Variants in TAGAP observed in about 807,000 individuals in gnomAD.
TAGAP encodes the protein T cell activation RhoGTPase activating protein.
TAGAP carries 16 observed loss-of-function variants against 36.0 expected under a neutral mutation model. The observed-to-expected ratio is 0.44, with a 90% CI of 0.30 to 0.68. TAGAP has a LOEUF of 0.68. Ranked by LOEUF, TAGAP falls within the 30% of genes least tolerant of loss-of-function variation. The pLI, the probability that TAGAP is intolerant of heterozygous loss-of-function variation, is 0.09. For missense variants in TAGAP, 794 were observed against 921.5 expected (o/e 0.86, Z 1.79); for synonymous variants, 372 against 377.4 (o/e 0.99, Z 0.17).
Position 159,044,167 on chromosome 6 carries a change from CA to C in TAGAP, c.-22del. ...TTCATCAGTATTGCGGCTGACTGTCCAGGGGTGGATTTCACTCCCGTGTGGC... is the reference window on the plus strand; with the variant it reads ...TTCATCAGTATTGCGGCTGACTGTCCGGGGTGGATTTCACTCCCGTGTGGC... On this transcript the variant is annotated 5_prime_UTR_variant, in exon 2 of 10. Transcript: ENST00000367066. 1.9e-6 allele frequency: 3 copies of C among 1,610,996 alleles called. No individual in the cohort carries two copies. The highest frequency in any genetic ancestry group is 2.5e-6 in the Non-Finnish European group (3 of 1,179,328).
chr6:159,035,699 G>T lies in TAGAP; in HGVS notation c.*128C>A. 1.1e-6 allele frequency: 1 copy of T among 918,186 alleles called. No individual in the cohort carries two copies. Among genetic ancestry groups the T allele is most frequent in the Non-Finnish European group, 1.6e-6 (1 of 625,244 alleles). The allele number at this position is 918,186 out of a possible 1,614,324, so 56.9% of individuals were successfully genotyped here. On this transcript the variant is annotated 3_prime_UTR_variant, in exon 10 of 10. Transcript: ENST00000367066. ...TGGCCATGGTGTAGCTATCCTCACT[G>T]AGGAGGGCTTTCCACAACTTTCTCA...
At position 159,039,111 on chromosome 6, in the gene TAGAP, A is replaced by G; in HGVS notation, c.783+3T>C. 1 of 1,614,208 alleles carries G rather than the reference A, an allele frequency of 6.2e-7. No homozygotes were observed. The highest frequency in any genetic ancestry group is 8.5e-7 in the Non-Finnish European group (1 of 1,180,034). On this transcript the variant is annotated splice_donor_region_variant and intron_variant, in intron 8 of 9. Coordinates refer to ENST00000367066, the MANE Select transcript of TAGAP (RefSeq NM_054114.5). ...GGATTTCTCATCAGTAAGCAGAACA[A>G]ACCTTGTTGTTCAGGTCCTTCTGGG... is the stretch of plus-strand genomic sequence containing the variant.
chr6:159,038,115 T>C lies in TAGAP; in HGVS notation c.897A>G (p.Ser299=), dbSNP rs370261958. The change falls in exon 9 of 10, where the codon TCA becomes TCG. Residue 299 remains serine (S), a splice_region_variant and synonymous_variant. Transcript: ENST00000367066. ...SDDSLEHTDS[S]DVSTLQNDSA... ...ATCAAATGATAGCACATTCCATACC[T>C]GAACTGTCAGTGTGCTCCAGGGAGT... is the stretch of plus-strand genomic sequence containing the variant. 7 of 1,594,812 alleles carry C rather than the reference T, an allele frequency of 4.4e-6. No homozygotes were observed. Among genetic ancestry groups the C allele is most frequent in the Non-Finnish European group, 6.0e-6 (7 of 1,163,334 alleles).
Position 159,037,523 on chromosome 6 carries a change from T to C in TAGAP, c.899-399A>G, listed in dbSNP as rs1007295381. The stretch of plus-strand genomic sequence containing the variant: ...CTTTTAGAAATGAACTTTGCTACAG[T>C]TCGCCCTGCTCATACCAATCAGGGC... On this transcript the variant is annotated intron_variant, in intron 9 of 9. Transcript: ENST00000367066. This position sits in a 1 kb window ranked among gnomAD's most constrained non-coding sequence, Gnocchi z 5.1. Among the ~76,000 whole-genome samples the C allele has an allele frequency of 9.9e-5, 15 of 152,166 alleles. No homozygotes were observed. The highest frequency in any genetic ancestry group is 4.4e-5 in the Non-Finnish European group (3 of 68,022).
Position 159,036,637 on chromosome 6 carries a change from G to T in TAGAP, c.1386C>A (p.Ser462Arg). Reference protein sequence around the residue: ...PRALVLKAFSSSSLDASSDSS... With the variant: ...PRALVLKAFSRSSLDASSDSS... Reference sequence around the variant, plus strand: ...TGTCAGAGGACGCGTCCAGCGAGCTGCTGGAGAAGGCTTTGAGAACCAGTG... The same window carrying T: ...TGTCAGAGGACGCGTCCAGCGAGCTTCTGGAGAAGGCTTTGAGAACCAGTG... The change falls in exon 10 of 10, where the codon AGC becomes AGA. Residue 462 changes from serine to arginine, a missense_variant. Physicochemically the swap from Ser to Arg is moderately radical, Grantham distance 110. Coordinates refer to ENST00000367066, the MANE Select transcript of TAGAP (RefSeq NM_054114.5). The surrounding 1 kb of genome is among the most constrained non-coding windows in gnomAD (Gnocchi z 4.9). 6.2e-7 allele frequency: 1 copy of T among 1,614,154 alleles called. No homozygotes were observed. Among genetic ancestry groups the T allele is most frequent in the Non-Finnish European group, 8.5e-7 (1 of 1,180,002 alleles).
Position 159,042,153 on chromosome 6 carries a change from G to A in TAGAP, c.240C>T (p.Asp80=). Residue 80 remains aspartate, a synonymous_variant, in exon 5 of 10, where the codon GAC becomes GAT. Transcript: ENST00000367066. ...ASDFSGALET[D]LKASLFDQPL... ...GCTGATCAAATAGCGATGCTTTCAA[G>A]TCTGTCTCCAAAGCCCCAGAAAAAT... The A allele has an allele frequency of 6.2e-7, 1 of 1,614,216 alleles. No homozygotes were observed. Among genetic ancestry groups the A allele is most frequent in the South Asian group, 1.1e-5 (1 of 91,084 alleles).
At position 159,037,732 on chromosome 6, in the gene TAGAP, A is replaced by C. The variant is rs149756349; in HGVS notation, c.898+382T>G. On this transcript the variant is annotated intron_variant, in intron 9 of 9. Coordinates refer to ENST00000367066, the MANE Select transcript of TAGAP (RefSeq NM_054114.5). This position sits in a 1 kb window ranked among gnomAD's most constrained non-coding sequence, Gnocchi z 5.1. Reference sequence around the variant, plus strand: ...ATAAGAAAAGAGAGAACAGCATTTCACTGAAAATGTATTGACCTTAATTTT... The same window carrying C: ...ATAAGAAAAGAGAGAACAGCATTTCCCTGAAAATGTATTGACCTTAATTTT... Among the ~76,000 whole-genome samples the C allele has an allele frequency of 6.6e-6, 1 of 152,254 alleles. No individual in the cohort carries two copies. The highest frequency in any genetic ancestry group is 2.4e-5 in the African/African-American group (1 of 41,472).
Position 159,035,678 on chromosome 6 carries a change from C to T in TAGAP, c.*149G>A, listed in dbSNP as rs1779500922. On this transcript the variant is annotated 3_prime_UTR_variant, in exon 10 of 10. Coordinates refer to ENST00000367066, the MANE Select transcript of TAGAP (RefSeq NM_054114.5). Reference sequence around the variant, plus strand: ...CAGAGACTATCTGATGCGCCATGGCCATGGTGTAGCTATCCTCACTGAGGA... The same window carrying T: ...CAGAGACTATCTGATGCGCCATGGCTATGGTGTAGCTATCCTCACTGAGGA... 2 of 694,446 alleles carry T rather than the reference C, an allele frequency of 2.9e-6. No homozygotes were observed. The highest frequency in any genetic ancestry group is 1.8e-5 in the African/African-American group (1 of 55,882). The allele number at this position is 694,446 out of a possible 1,614,324, so 43.0% of individuals were successfully genotyped here.
chr6:159,035,571 G>C lies in TAGAP; in HGVS notation c.*256C>G. 2.7e-6 allele frequency: 1 copy of C among 365,064 alleles called. No homozygotes were observed. The highest frequency in any genetic ancestry group is 4.3e-5 in the East Asian group (1 of 23,350). 22.6% of individuals were successfully genotyped at this position (365,064 alleles called of 1,614,324 possible). The stretch of plus-strand genomic sequence containing the variant: ...ACTGCAAGTTCAAAACGTGTGCAGG[G>C]ATTATTAGACATCCTTTGCACCTAA... On this transcript the variant is annotated 3_prime_UTR_variant, in exon 10 of 10. Coordinates refer to ENST00000367066, the MANE Select transcript of TAGAP (RefSeq NM_054114.5).
Position 159,035,938 on chromosome 6 carries a change from C to T in TAGAP, c.2085G>A (p.Arg695=), listed in dbSNP as rs776501479. Residue 695 remains arginine (R), a synonymous_variant, in exon 10 of 10, where the codon AGG becomes AGA. Transcript: ENST00000367066. ...GPGRPELLPL[R]TVSESVQRNK... ...TCCTCTGCACGGACTCGGAGACGGT[C>T]CTCAGCGGGAGGAGCTCAGGTCTCC... 12 of 1,614,080 alleles carry T rather than the reference C, an allele frequency of 7.4e-6. No homozygotes were observed. Among genetic ancestry groups the T allele is most frequent in the East Asian group, 6.7e-5 (3 of 44,890 alleles).
Position 159,041,269 on chromosome 6 carries a change from G to C in TAGAP, c.477+85C>G. On this transcript the variant is annotated intron_variant, in intron 6 of 9. Coordinates refer to ENST00000367066, the MANE Select transcript of TAGAP (RefSeq NM_054114.5). This position sits in a 1 kb window ranked among gnomAD's most constrained non-coding sequence, Gnocchi z 4.1. Reference sequence around the variant, plus strand: ...AAGATCAGTGTACCTTGCTGTGTGGGGAGAAGAGCCTATTTCTTGCATCCT... The same window carrying C: ...AAGATCAGTGTACCTTGCTGTGTGGCGAGAAGAGCCTATTTCTTGCATCCT... 6.6e-7 allele frequency: 1 copy of C among 1,518,798 alleles called. No individual in the cohort carries two copies. The highest frequency in any genetic ancestry group is 1.9e-5 in the Admixed American group (1 of 51,364). The allele number at this position is 1,518,798 out of a possible 1,614,324, so 94.1% of individuals were successfully genotyped here.
At position 159,037,537 on chromosome 6, in the gene TAGAP, A is replaced by G. The variant is rs1388647055; in HGVS notation, c.899-413T>C. 1.3e-5 allele frequency among the ~76,000 whole-genome samples: 2 copies of G among 152,314 alleles called. No individual in the cohort carries two copies. Among genetic ancestry groups the G allele is most frequent in the Admixed American group, 6.5e-5 (1 of 15,300 alleles). On this transcript the variant is annotated intron_variant, in intron 9 of 9. Transcript: ENST00000367066. The surrounding 1 kb of genome is among the most constrained non-coding windows in gnomAD (Gnocchi z 5.1). ...CTTTGCTACAGTTCGCCCTGCTCAT[A>G]CCAATCAGGGCACTAGGTGATTTAT... is the stretch of plus-strand genomic sequence containing the variant.
intron 7 of TAGAP, 141 bp downstream of exon 7, chr6:159,040,582 T>C (rs978972196): frequency 9.8e-6 from 6 of 611,156 alleles, no homozygotes; most frequent in African/African-American, 9.3e-5. Flanking sequence ...GTTCTGGGAG[T>C]GGACGAGCAA....
chr6:159,041,354 C>A lies in TAGAP; in HGVS notation c.477G>T (p.Lys159Asn). 6.2e-7 allele frequency: 1 copy of A among 1,613,300 alleles called. No individual in the cohort carries two copies. Among genetic ancestry groups the A allele is most frequent in the Non-Finnish European group, 8.5e-7 (1 of 1,179,820 alleles). Reference sequence around the variant, plus strand: ...TTTGGCGCAAGTGTGTTGAACTCACCTTAAAGACCACAGCGAGGAGGTGCA... The same window carrying A: ...TTTGGCGCAAGTGTGTTGAACTCACATTAAAGACCACAGCGAGGAGGTGCA... ...LPVHLLAVVF[K>N]DFLRSIPRKL... The change falls in exon 6 of 10, where the codon AAG becomes AAT. Residue 159 changes from lysine (K) to asparagine (N), a missense_variant and splice_region_variant. Lys to Asn is a moderately conservative substitution (Grantham distance 94). Coordinates refer to ENST00000367066, the MANE Select transcript of TAGAP (RefSeq NM_054114.5). This position sits in a 1 kb window ranked among gnomAD's most constrained non-coding sequence, Gnocchi z 4.1.
chr6:159,044,023 TG>T lies in TAGAP; in HGVS notation c.35del (p.Thr12AsnfsTer2). The T allele has an allele frequency of 1.2e-6, 2 of 1,613,864 alleles. No individual in the cohort carries two copies. The highest frequency in any genetic ancestry group is 2.2e-5 in the South Asian group (2 of 90,960). On this transcript the variant is annotated frameshift_variant, in exon 3 of 10. Transcript: ENST00000367066. LOFTEE classifies it high-confidence loss of function. ...GTGTCTCCATATTATTGGCGTTTAGTGTTTTTGACTAAAAGAGAAAAAATAA... is the reference window on the plus strand; with the variant it reads ...GTGTCTCCATATTATTGGCGTTTAGTTTTTTGACTAAAAGAGAAAAAATAA... ...KLRSSHNASKTLNANNMETLI... is the reference protein window; with the variant it reads ...KLRSSHNASKXLNANNMETLI...
rs1056496383 is a variant in TAGAP at position 159,034,912 on chromosome 6, G to A, written c.*915C>T. ...TATATTTAATAAATGCTTGTTGAGT[G>A]AACCAATATGTGAATGATTTTCTTA... is the stretch of plus-strand genomic sequence containing the variant. On this transcript the variant is annotated 3_prime_UTR_variant, in exon 10 of 10. Coordinates refer to ENST00000367066, the MANE Select transcript of TAGAP (RefSeq NM_054114.5). The A allele has an allele frequency of 6.6e-6, 1 of 152,322 alleles. No individual in the cohort carries two copies. Among genetic ancestry groups the A allele is most frequent in the African/African-American group, 2.4e-5 (1 of 41,440 alleles). The allele number at this position is 152,322 out of a possible 1,614,324, so 9.4% of individuals were successfully genotyped here.
At chr6:159,043,175 GA>G (rs1779817098) in intron 4 of TAGAP, 2 of 169,714 alleles carry the variant, frequency 1.2e-5, no homozygotes, top group Non-Finnish European at 2.6e-5. Flanking sequence ...AATGCATTAT[GA>G]AAAAAGTTGA....
At chr6:159,042,035 C>T (rs376158291) in intron 5 of TAGAP, 43 bp downstream of exon 5, 1 of 1,574,742 alleles carries the variant, frequency 6.4e-7, no homozygotes. Flanking sequence ...TTTGCATGTC[C>T]AACTGAAAAC....
rs1288016653 is a variant in TAGAP, at chr6:159,041,890, A to G, written c.315+188T>C. Reference sequence around the variant, plus strand: ...TCATTGGCAAATACAACTAATTTCAATTTCTGGAATGGAAGCAGTCAGATA... The same window carrying G: ...TCATTGGCAAATACAACTAATTTCAGTTTCTGGAATGGAAGCAGTCAGATA... On this transcript the variant is annotated intron_variant, in intron 5 of 9. Transcript: ENST00000367066. The surrounding 1 kb of genome is among the most constrained non-coding windows in gnomAD (Gnocchi z 4.1). 3.7e-5 allele frequency: 25 copies of G among 683,104 alleles called. No homozygotes were observed. Among genetic ancestry groups the G allele is most frequent in the South Asian group, 1.0e-4 (5 of 50,088 alleles). The allele number at this position is 683,104 out of a possible 1,614,324, so 42.3% of individuals were successfully genotyped here.
Sources: gnomAD v4.1 joint callset for allele counts (sites outside exome capture counted in the v4.1 genomes callset) on GRCh38, gnomAD v4.1.1 for gene constraint, Gnocchi (gnomAD v3.1) non-coding constraint, MANE v1.5 for transcripts, NCBI Gene and HGNC (gene_info 2026-07-23, HGNC 2026-07-21) for gene names.